MIR2052HG: variants seen among roughly 807,000 people sequenced by gnomAD.
MIR2052HG encodes the protein MIR2052 host gene.
At chr8:74,711,835 G>A (rs269190) in intron 4 of MIR2052HG, among the ~76,000 whole-genome samples, 98,790 of 152,062 alleles carry the variant, frequency 0.65, 33,709 homozygotes, top group African/African-American at 0.86. Flanking sequence ...AACCGCAGAT[G>A]TAAGCCAGTT....
intron 4 of MIR2052HG, among the ~76,000 whole-genome samples, chr8:74,722,353 T>TA (rs1809586751): frequency 6.6e-6 from 1 of 152,226 alleles, no homozygotes; most frequent in Admixed American, 6.5e-5. Context: ...TTCTATATTT[T>TA]AAAAAATCTT....
rs571597400 is a variant in MIR2052HG at position 74,619,784 on chromosome 8, C to G, written n.216+6844C>G. ...TCAAGATGAGATTTGGGTGGGGACA[C>G]AAAACTTAACTATATCTTTTTGCTC... On this transcript the variant is annotated intron_variant and non_coding_transcript_variant, in intron 2 of 6. Coordinates refer to ENST00000523442, the Ensembl canonical transcript of MIR2052HG. Among the ~76,000 whole-genome samples the G allele has an allele frequency of 7.9e-5, 12 of 152,294 alleles. No homozygotes were observed. In the East Asian group the frequency reaches 2.1e-3, roughly 27 times the overall value.
At chr8:74,718,612 G>A (rs1809544144) in intron 4 of MIR2052HG, among the ~76,000 whole-genome samples, 1 of 152,180 alleles carries the variant, frequency 6.6e-6, no homozygotes, top group Admixed American at 6.6e-5. Flanking sequence ...AGGAACAAAG[G>A]AAGCTGGGAA....
At chr8:74,603,681 G>A (rs1808059818) in intron 1 of MIR2052HG, 2 of 1,008,490 alleles carry the variant, frequency 2.0e-6, no homozygotes, top group Admixed American at 3.4e-5. Context: ...CGCCTGCAAA[G>A]ATGACCGGAG....
intron 4 of MIR2052HG, among the ~76,000 whole-genome samples, chr8:74,743,081 A>C (rs1809848761): frequency 1.3e-5 from 2 of 152,068 alleles, no homozygotes; most frequent in African/African-American, 2.4e-5. Context: ...AACAAAAAAA[A>C]CCAACAAAAA....
chr8:74,688,381 GT>G (rs1441653191), intron 2 of MIR2052HG, among the ~76,000 whole-genome samples: 3 of 152,154 alleles, frequency 2.0e-5, no homozygotes, highest in African/African-American at 7.2e-5. Context: ...ATAGAAGACA[GT>G]TTCTGTCTTA....
At chr8:74,651,829 C>T (rs1808756077) in intron 2 of MIR2052HG, among the ~76,000 whole-genome samples, 1 of 152,168 alleles carries the variant, frequency 6.6e-6, no homozygotes. Context: ...CAGCGAGAAG[C>T]ACAGACCTTG....
intron 2 of MIR2052HG, among the ~76,000 whole-genome samples, chr8:74,677,928 C>T (rs577499703): frequency 2.6e-5 from 4 of 152,150 alleles, no homozygotes; most frequent in African/African-American, 9.6e-5. Flanking sequence ...AAAGAAGTTA[C>T]AAATATTATT....
intron 4 of MIR2052HG, among the ~76,000 whole-genome samples, chr8:74,739,651 A>C (rs1809806018): frequency 6.6e-6 from 1 of 152,202 alleles, no homozygotes; most frequent in Non-Finnish European, 1.5e-5. Context: ...TAGTTTGGAA[A>C]GATTGCCATC....
At chr8:74,724,470 C>T (rs773059880) in intron 4 of MIR2052HG, among the ~76,000 whole-genome samples, 2 of 152,080 alleles carry the variant, frequency 1.3e-5, no homozygotes, top group Non-Finnish European at 2.9e-5. Context: ...ATTAGGCACC[C>T]ATTAAATTTG....
rs79442788 is a variant in MIR2052HG, at chr8:74,745,463, G to C, written n.372-6978G>C. 5.3e-3 allele frequency among the ~76,000 whole-genome samples: 809 copies of C among 152,180 alleles called. 3 individuals carry two copies. Among genetic ancestry groups the C allele is most frequent in the Admixed American group, 8.3e-3 (127 of 15,278 alleles). On this transcript the variant is annotated intron_variant and non_coding_transcript_variant, in intron 4 of 6. Coordinates refer to ENST00000523442, the Ensembl canonical transcript of MIR2052HG. ...ATTATCACATAGCATTTGATTTGGA[G>C]AAACAGAATATCTTTGTGTATGAGG...
chr8:74,684,504 T>C (rs1441697378), intron 2 of MIR2052HG, among the ~76,000 whole-genome samples: 1 of 152,090 alleles, frequency 6.6e-6, no homozygotes, highest in Non-Finnish European at 1.5e-5. Flanking sequence ...GTATATTCTT[T>C]TCCCATTCTA....
At chr8:74,733,960 C>T (rs1049863002) in intron 4 of MIR2052HG, among the ~76,000 whole-genome samples, 4 of 152,174 alleles carry the variant, frequency 2.6e-5, no homozygotes, top group African/African-American at 9.7e-5. Context: ...AAAGCAATGG[C>T]AACAAAAGCC....
chr8:74,651,149 T>C (rs1032514815), intron 2 of MIR2052HG, among the ~76,000 whole-genome samples: 1 of 152,038 alleles, frequency 6.6e-6, no homozygotes, highest in African/African-American at 2.4e-5. Flanking sequence ...TTTTTTTCCT[T>C]AGCATGCTTT....
intron 2 of MIR2052HG, among the ~76,000 whole-genome samples, chr8:74,660,892 A>G (rs1808857144): frequency 6.6e-6 from 1 of 152,102 alleles, no homozygotes. Context: ...AGACTTGGGG[A>G]AATTGGAGGA....
chr8:74,620,272 C>T (rs1808343602), intron 2 of MIR2052HG, among the ~76,000 whole-genome samples: 1 of 152,200 alleles, frequency 6.6e-6, no homozygotes, highest in Non-Finnish European at 1.5e-5. Context: ...GTGGCTTTTC[C>T]AGGTGCATGG....
intron 2 of MIR2052HG, among the ~76,000 whole-genome samples, chr8:74,652,126 C>T (rs565728973): frequency 1.4e-4 from 22 of 152,292 alleles, no homozygotes; most frequent in Admixed American, 1.2e-3. Context: ...TCAGTGTCAT[C>T]TCTGATTAGT....
chr8:74,719,395 A>G (rs1413666205), intron 4 of MIR2052HG, among the ~76,000 whole-genome samples: 2 of 152,218 alleles, frequency 1.3e-5, no homozygotes, highest in African/African-American at 4.8e-5. Flanking sequence ...TGCTGGCAGG[A>G]GTGAAGCAGA....
At chr8:74,659,593 A>G (rs947014970) in intron 2 of MIR2052HG, among the ~76,000 whole-genome samples, 1 of 151,994 alleles carries the variant, frequency 6.6e-6, no homozygotes, top group African/African-American at 2.4e-5. Flanking sequence ...GGCACATACC[A>G]CTGCACCTGG....
Sources: allele counts gnomAD v4.1 joint callset (sites outside exome capture counted in the v4.1 genomes callset), GRCh38; gene constraint gnomAD v4.1.1; transcripts MANE v1.5; gene names NCBI Gene and HGNC (gene_info 2026-07-23, HGNC 2026-07-21).